Variants in SACS observed in about 807,000 individuals in gnomAD.
SACS encodes the protein sacsin molecular chaperone.
SACS carries 197 observed loss-of-function variants against 348.0 expected under a neutral mutation model. The observed-to-expected ratio is 0.57, with a 90% CI of 0.50 to 0.64. SACS has a LOEUF of 0.64. SACS is among the 30% of genes least tolerant of loss of function. The pLI, the probability that SACS is intolerant of heterozygous loss-of-function variation, is 0.00. For synonymous variants in SACS, 1,985 were observed against 1,910.6 expected (o/e 1.04, Z -1.02); for missense variants, 4,999 against 5,360.8 (o/e 0.93, Z 2.11).
Position 23,338,602 on chromosome 13 carries a change from G to A in SACS, c.5274C>T (p.Cys1758=), listed in dbSNP as rs201982449. 2.9e-5 allele frequency: 47 copies of A among 1,614,140 alleles called. No individual in the cohort carries two copies. In the East Asian group the frequency reaches 9.4e-4, roughly 32 times the overall value. Residue 1758 remains cysteine, a synonymous_variant, in exon 10 of 10, where the codon TGC becomes TGT. Coordinates refer to ENST00000382292, the MANE Select transcript of SACS (RefSeq NM_014363.6). ...KLPSDEPKSS[C]ILQITVEEFH... is the part of the protein sequence containing the mutation. The stretch of plus-strand genomic sequence containing the variant: ...ATTCTTCCACTGTGATCTGAAGAAT[G>A]CAAGATGACTTTGGTTCATCACTGG...
intron 2 of SACS, 35 bp downstream of exon 2, chr13:23,411,185 C>T (rs1873464699): frequency 6.4e-7 from 1 of 1,568,740 alleles, no homozygotes; most frequent in Admixed American, 1.7e-5. Flanking sequence ...AATCCCAATG[C>T]AAATTATTGT....
At chr13:23,399,037 A>AAAAAAAAAAAAAC (rs55848856) in intron 2 of SACS, among the ~76,000 whole-genome samples, 5 of 149,854 alleles carry the variant, frequency 3.3e-5, no homozygotes, top group African/African-American at 1.2e-4. Context: ...AAAAAAAAAA[A>AAAAAAAAAAAAAC]CATGGATGCC....
intron 1 of SACS, among the ~76,000 whole-genome samples, chr13:23,411,943 C>T (rs1400706226): frequency 1.3e-5 from 2 of 152,190 alleles, no homozygotes; most frequent in Admixed American, 1.3e-4. Flanking sequence ...AACCAACAAA[C>T]GCACATGTGC....
chr13:23,372,569 TG>T, intron 3 of SACS, among the ~76,000 whole-genome samples: 1 of 152,198 alleles, frequency 6.6e-6, no homozygotes, highest in Non-Finnish European at 1.5e-5. Context: ...TGAATTAATT[TG>T]GCAACTGTTA....
At chr13:23,377,271 A>G (rs1346126714) in intron 2 of SACS, among the ~76,000 whole-genome samples, 1 of 152,140 alleles carries the variant, frequency 6.6e-6, no homozygotes, top group African/African-American at 2.4e-5. Context: ...AAAATGGCAA[A>G]TTTTATGGTA....
Position 23,329,592 on chromosome 13 carries a change from A to G in SACS, c.*544T>C. ...CTCTTAGTCAAGTAATAGGATTAAA[A>G]TACTCTACCATTTCTTAAATGCACT... On this transcript the variant is annotated 3_prime_UTR_variant, in exon 10 of 10. Coordinates refer to ENST00000382292, the MANE Select transcript of SACS (RefSeq NM_014363.6). 1.7e-6 allele frequency: 1 copy of G among 582,308 alleles called. No homozygotes were observed. The highest frequency in any genetic ancestry group is 3.0e-6 in the Non-Finnish European group (1 of 331,792). The allele number at this position is 582,308 out of a possible 1,614,324, so 36.1% of individuals were successfully genotyped here.
intron 9 of SACS, 197 bp downstream of exon 9, chr13:23,353,588 T>A: frequency 1.9e-6 from 1 of 540,060 alleles, no homozygotes; most frequent in Non-Finnish European, 3.3e-6. Flanking sequence ...TTTTTACACT[T>A]ATCACCTCTG....
chr13:23,357,482 A>T (rs985644319), intron 7 of SACS, among the ~76,000 whole-genome samples: 3 of 152,186 alleles, frequency 2.0e-5, no homozygotes, highest in African/African-American at 7.2e-5. Context: ...GGGCAGTCCC[A>T]ATTCAGGCCA....
intron 2 of SACS, among the ~76,000 whole-genome samples, chr13:23,380,281 T>TAGC (rs1356148376): frequency 6.6e-6 from 1 of 152,136 alleles, no homozygotes; most frequent in East Asian, 1.9e-4. Flanking sequence ...CCGGCCTTGG[T>TAGC]AGCGCCCTCT....
chr13:23,408,304 G>T (rs778307962), intron 2 of SACS, among the ~76,000 whole-genome samples: 1 of 152,030 alleles, frequency 6.6e-6, no homozygotes, highest in Non-Finnish European at 1.5e-5. Flanking sequence ...CCCAAATCTG[G>T]CCCACCTCTG....
rs184407783 is a variant in SACS, at chr13:23,335,040, T to C, written c.8836A>G (p.Asn2946Asp). 66 of 1,613,112 alleles carry C rather than the reference T, an allele frequency of 4.1e-5. No individual in the cohort carries two copies. The highest frequency in any genetic ancestry group is 5.5e-5 in the Non-Finnish European group (65 of 1,179,274). The change falls in exon 10 of 10, where the codon AAC (asparagine) becomes GAC (aspartate). Residue 2946 changes from asparagine (N) to aspartate (D), a missense_variant. Asn to Asp is a conservative substitution (Grantham distance 23). Transcript: ENST00000382292. The surrounding 1 kb of genome is among the most constrained non-coding windows in gnomAD (Gnocchi z 4.7). ...GSDPTLSVLQ[N>D]TPIHVVKDTL... ...TCCTTTACAACATGAATAGGGGTGT[T>C]CTGTAACACTGATAATGTTGGATCA...
intron 2 of SACS, among the ~76,000 whole-genome samples, chr13:23,383,124 T>G (rs1566095541): frequency 6.6e-6 from 1 of 152,200 alleles, no homozygotes; most frequent in Non-Finnish European, 1.5e-5. Flanking sequence ...CAATTTTGGT[T>G]TAAATAATCT....
chr13:23,418,592 G>A (rs918037755), intron 1 of SACS, among the ~76,000 whole-genome samples: 2 of 151,980 alleles, frequency 1.3e-5, no homozygotes, highest in Non-Finnish European at 2.9e-5. Flanking sequence ...TGCAACTTCC[G>A]CCTCCTGGGT....
chr13:23,358,606 C>G, intron 6 of SACS, 125 bp from the exon 7 acceptor site: 1 of 915,676 alleles, frequency 1.1e-6, no homozygotes, highest in Non-Finnish European at 1.7e-6. Context: ...AATAGAGTGA[C>G]TGAATTCCAC....
In SACS at chr13:23,329,827, C is replaced by G. The variant is rs1883352270; in HGVS notation, c.*309G>C. 1.0e-5 allele frequency: 5 copies of G among 492,482 alleles called. No individual in the cohort carries two copies. Among genetic ancestry groups the G allele is most frequent in the Non-Finnish European group, 1.4e-5 (4 of 276,898 alleles). The allele number at this position is 492,482 out of a possible 1,614,324, so 30.5% of individuals were successfully genotyped here. ...TAACTTCATCCTAACCAGAGACATA[C>G]ATAGACTCTTATCTAACAAACTGCT... On this transcript the variant is annotated 3_prime_UTR_variant, in exon 10 of 10. Transcript: ENST00000382292.
At position 23,329,494 on chromosome 13, in the gene SACS, T is replaced by C. The variant is rs1201719343; in HGVS notation, c.*642A>G. ...TCATCAAACAGGAAGCCTGTAAACA[T>C]AAGATGTTAAAAAAAAATTTAAATA... is the stretch of plus-strand genomic sequence containing the variant. On this transcript the variant is annotated 3_prime_UTR_variant, in exon 10 of 10. Coordinates refer to ENST00000382292, the MANE Select transcript of SACS (RefSeq NM_014363.6). 1 of 746,962 alleles carries C rather than the reference T, an allele frequency of 1.3e-6. No individual in the cohort carries two copies. Among genetic ancestry groups the C allele is most frequent in the Non-Finnish European group, 2.5e-6 (1 of 406,946 alleles). The allele number at this position is 746,962 out of a possible 1,614,324, so 46.3% of individuals were successfully genotyped here. A position where few individuals can be genotyped will look rare whatever the true frequency, so the allele number is the denominator to read the frequency against.
At chr13:23,391,949 CAAT>C (rs1175279305) in intron 2 of SACS, among the ~76,000 whole-genome samples, 7 of 152,188 alleles carry the variant, frequency 4.6e-5, no homozygotes, top group Middle Eastern at 3.2e-3. Context: ...ACAGAGCCAA[CAAT>C]GAGTCACCTT....
rs1017350676 is a variant in SACS at position 23,336,129 on chromosome 13, A to G, written c.7747T>C (p.Leu2583=). 31 of 1,612,742 alleles carry G rather than the reference A, an allele frequency of 1.9e-5. No individual in the cohort carries two copies. The highest frequency in any genetic ancestry group is 5.0e-5 in the Admixed American group (3 of 59,950). The change falls in exon 10 of 10, where the codon TTG becomes CTG. Residue 2583 remains leucine (L), a synonymous_variant. Transcript: ENST00000382292. ...DRIFDDKWAP[L]QGPALCVYNN... ...TACACACAAAGTGCTGGCCCTTGCAATGGGGCCCACTTATCATCAAATATT... is the reference window on the plus strand; with the variant it reads ...TACACACAAAGTGCTGGCCCTTGCAGTGGGGCCCACTTATCATCAAATATT...
chr13:23,357,837 A>C (rs1230059303), intron 7 of SACS, among the ~76,000 whole-genome samples: 2 of 152,208 alleles, frequency 1.3e-5, no homozygotes, highest in Admixed American at 6.5e-5. Context: ...TAAGTCTAAA[A>C]AGAGTAGAAT....
Sources: gnomAD v4.1 joint callset for allele counts (sites outside exome capture counted in the v4.1 genomes callset) on GRCh38, gnomAD v4.1.1 for gene constraint, Gnocchi (gnomAD v3.1) non-coding constraint, MANE v1.5 for transcripts, NCBI Gene and HGNC (gene_info 2026-07-23, HGNC 2026-07-21) for gene names.